The following SLX9 variants were observed in gnomAD, a reference collection of about 807,000 sequenced individuals.
The protein encoded by SLX9 is SLX9 ribosome biogenesis factor.
Under a neutral mutation model 20.8 loss-of-function variants are expected in SLX9, and 19 were observed. The ratio of observed to expected loss-of-function variants is 0.91; its 90% CI spans 0.64 to 1.34. The LOEUF is 1.34. SLX9 is among the 40% of genes most tolerant of loss of function. SLX9 has a pLI of 0.00. For missense variants in SLX9, 299 were observed against 322.2 expected (o/e 0.93, Z 0.55); for synonymous variants, 113 against 137.1 (o/e 0.82, Z 1.23).
At chr21:44,963,513 T>C (rs1007999365) in intron 3 of SLX9, among the ~76,000 whole-genome samples, 2 of 152,178 alleles carry the variant, frequency 1.3e-5, no homozygotes, top group Non-Finnish European at 2.9e-5. Flanking sequence ...AAGATATTAT[T>C]CCTGTTTTCT....
At chr21:44,972,590 C>T (rs73378639) in intron 4 of SLX9, among the ~76,000 whole-genome samples, 4,733 of 152,258 alleles carry the variant, frequency 0.031, 254 homozygotes, top group African/African-American at 0.11. Context: ...GCAGGATCTA[C>T]GGTGGGTCCA....
rs750174593 is a variant in SLX9, at chr21:44,967,085, G to C, written c.404G>C (p.Arg135Pro). 6.2e-7 allele frequency: 1 copy of C among 1,611,692 alleles called. No individual in the cohort carries two copies. Among genetic ancestry groups the C allele is most frequent in the East Asian group, 2.2e-5 (1 of 44,876 alleles). The change falls in exon 4 of 6, where the codon CGG (arginine) becomes CCG (proline). Residue 135 changes from arginine to proline, a missense_variant. Coordinates refer to ENST00000291634, the MANE Select transcript of SLX9 (RefSeq NM_058190.4). ...CAGAAGCACAGGGAGGAGCGGAGGC[G>C]GAGGGCCACGGTGGTGGTGGGGGAC... ...AEQKHREERR[R>P]RATVVVGDLH...
chr21:44,950,922 GC>G (rs1253471130), intron 2 of SLX9, among the ~76,000 whole-genome samples: 3 of 152,148 alleles, frequency 2.0e-5, no homozygotes, highest in African/African-American at 7.2e-5. Context: ...ACAGAGACTG[GC>G]CCAGGCGGGT....
intron 2 of SLX9, among the ~76,000 whole-genome samples, chr21:44,944,244 A>G (rs1414789968): frequency 6.6e-6 from 1 of 152,226 alleles, no homozygotes; most frequent in Non-Finnish European, 1.5e-5. Context: ...TTTTGTACAA[A>G]TAACTCTTGA....
Position 44,961,242 on chromosome 21 carries a change from T to TTG in SLX9, c.352+1075_352+1076insGT, listed in dbSNP as rs561462327. Among the ~76,000 whole-genome samples, 356 of 152,260 alleles carry TTG rather than the reference T, an allele frequency of 2.3e-3. 2 individuals are homozygous for TTG. Among genetic ancestry groups the TTG allele is most frequent in the African/African-American group, 8.2e-3 (340 of 41,500 alleles). On this transcript the variant is annotated intron_variant, in intron 3 of 5. Coordinates refer to ENST00000291634, the MANE Select transcript of SLX9 (RefSeq NM_058190.4). ...TATTCCATGGCACTTGGTCCTTTTTTTTTGTTTTTTCACAACTTGAGTCAA... is the reference window on the plus strand; with the variant it reads ...TATTCCATGGCACTTGGTCCTTTTTTTGTTTGTTTTTTCACAACTTGAGTCAA...
At chr21:44,968,812 G>C (rs996577819) in intron 4 of SLX9, among the ~76,000 whole-genome samples, 3 of 148,510 alleles carry the variant, frequency 2.0e-5, no homozygotes, top group Non-Finnish European at 4.4e-5. Flanking sequence ...GGAGTGCAGT[G>C]GCACGATCTT....
At chr21:44,974,198 T>C (rs1202793445) in intron 5 of SLX9, among the ~76,000 whole-genome samples, 1 of 152,216 alleles carries the variant, frequency 6.6e-6, no homozygotes, top group Non-Finnish European at 1.5e-5. Context: ...TGATTTTTCC[T>C]GTGGTTTGAA....
intron 2 of SLX9, among the ~76,000 whole-genome samples, chr21:44,953,239 G>A (rs947375125): frequency 6.6e-6 from 1 of 152,242 alleles, no homozygotes; most frequent in Admixed American, 6.5e-5. Context: ...GCGCGTGGCC[G>A]GCCTGTCATG....
chr21:44,973,370 C>G (rs2085196283), intron 5 of SLX9, 105 bp downstream of exon 5: 18 of 786,328 alleles, frequency 2.3e-5, no homozygotes, highest in South Asian at 1.8e-4. Flanking sequence ...CCCGCCCACC[C>G]TCTCCAGGGG....
chr21:44,956,109 T>C (rs1465605634), intron 2 of SLX9, among the ~76,000 whole-genome samples: 1 of 152,272 alleles, frequency 6.6e-6, no homozygotes, highest in African/African-American at 2.4e-5. Flanking sequence ...TGCCTTTTCC[T>C]GTTTTTCTTT....
intron 4 of SLX9, chr21:44,972,918 A>G: frequency 2.1e-5 from 1 of 47,110 alleles, no homozygotes; most frequent in Non-Finnish European, 3.7e-5. Context: ...AGGAGTCACC[A>G]GATTCCACAC....
intron 4 of SLX9, 143 bp downstream of exon 4, chr21:44,967,324 C>T (rs2085056380): frequency 8.1e-7 from 1 of 1,232,486 alleles, no homozygotes; most frequent in Non-Finnish European, 1.1e-6. Context: ...CGGTGCTCCG[C>T]ACAGGTACCC....
rs780807536 is a variant in SLX9, at chr21:44,973,201, G to A, written c.505G>A (p.Glu169Lys). 3 of 1,613,106 alleles carry A rather than the reference G, an allele frequency of 1.9e-6. No individual in the cohort carries two copies. In the South Asian group the frequency reaches 3.3e-5, roughly 18 times the overall value. Residue 169 changes from glutamate (E) to lysine (K), a missense_variant, in exon 5 of 6, where the codon GAG (glutamate) becomes AAG (lysine). Coordinates refer to ENST00000291634, the MANE Select transcript of SLX9 (RefSeq NM_058190.4). ...GTGGCTTCTCTGTGTCCACAGCAGG[G>A]AGAGCAACAAGCCCCGGCCCTCAGA... is the stretch of plus-strand genomic sequence containing the variant. ...AGSRRQARSR[E>K]SNKPRPSELS...
At position 44,940,102 on chromosome 21, in the gene SLX9, C is replaced by T. The variant is rs1217315612; in HGVS notation, c.45C>T (p.Ala15=). The change falls in exon 1 of 6, where the codon GCC becomes GCT. Residue 15 remains alanine, a synonymous_variant. Coordinates refer to ENST00000291634, the MANE Select transcript of SLX9 (RefSeq NM_058190.4). ...RGLRARVHQA[A]VRPKGEAAPG... is the part of the protein sequence containing the mutation. The stretch of plus-strand genomic sequence containing the variant: ...TGCGCGCCCGAGTGCACCAGGCTGC[C>T]GTGAGGCCGAAAGGGGAGGCCGCCC... The T allele has an allele frequency of 7.0e-7, 1 of 1,430,838 alleles. No individual in the cohort carries two copies. Among genetic ancestry groups the T allele is most frequent in the Non-Finnish European group, 9.2e-7 (1 of 1,086,812 alleles). 88.6% of individuals were successfully genotyped at this position (1,430,838 alleles called of 1,614,324 possible).
At position 44,943,833 on chromosome 21, in the gene SLX9, G is replaced by T. The variant is rs770893845; in HGVS notation, c.279G>T (p.Arg93Ser). The T allele has an allele frequency of 6.2e-7, 1 of 1,614,100 alleles. No homozygotes were observed. Among genetic ancestry groups the T allele is most frequent in the Non-Finnish European group, 8.5e-7 (1 of 1,180,032 alleles). Residue 93 changes from arginine to serine, a missense_variant, in exon 2 of 6, where the codon AGG becomes AGT. Physicochemically the swap from Arg to Ser is moderately radical, Grantham distance 110. Transcript: ENST00000291634. The part of the protein sequence containing the change: ...GSSARSVPSI[R>S]RGAEAKTVLP... ...GTGCACGGAGCGTCCCTTCCATCAG[G>T]AGAGGTGAGGCAGGCTCGACGGGTT...
At chr21:44,941,960 A>G (rs1485094504) in intron 1 of SLX9, among the ~76,000 whole-genome samples, 1 of 152,210 alleles carries the variant, frequency 6.6e-6, no homozygotes, top group Non-Finnish European at 1.5e-5. Flanking sequence ...CTCCTGGGCA[A>G]GAGCTCCGTG....
intron 2 of SLX9, among the ~76,000 whole-genome samples, chr21:44,953,906 T>A (rs1349119857): frequency 6.6e-6 from 1 of 152,192 alleles, no homozygotes; most frequent in Non-Finnish European, 1.5e-5. Context: ...TAGCTGTTGA[T>A]CCTTTGGCAT....
At chr21:44,939,823 T>C (rs1719832476), upstream of SLX9, 1 of 557,756 alleles carries the variant, frequency 1.8e-6, no homozygotes, top group South Asian at 2.0e-5. Flanking sequence ...AAACTCGTTG[T>C]TTCTCGTGCT....
intron 4 of SLX9, among the ~76,000 whole-genome samples, chr21:44,972,404 G>C (rs1601423748): frequency 6.6e-6 from 1 of 152,182 alleles, no homozygotes; most frequent in African/African-American, 2.4e-5. Flanking sequence ...TGGGGTGGAC[G>C]TCAGAGATGA....
Sources: gnomAD v4.1 joint callset for allele counts (sites outside exome capture counted in the v4.1 genomes callset) on GRCh38, gnomAD v4.1.1 for gene constraint, MANE v1.5 for transcripts, NCBI Gene and HGNC (gene_info 2026-07-23, HGNC 2026-07-21) for gene names.